The following HADHA variants were observed in gnomAD, a reference collection of about 807,000 sequenced individuals.
HADHA encodes the protein hydroxyacyl-CoA dehydrogenase trifunctional multienzyme complex subunit alpha.
A neutral mutation model predicts 91.3 loss-of-function variants in HADHA; 59 were observed. That is an observed-to-expected ratio of 0.65 (90% CI 0.52 to 0.80). HADHA has a LOEUF of 0.80. HADHA is among the 30% of genes least tolerant of loss of function. The pLI, the probability that HADHA is intolerant of heterozygous loss-of-function variation, is 0.00. For synonymous variants in HADHA, 320 were observed against 338.9 expected, an observed-to-expected ratio of 0.94 and a Z score of 0.61; for missense variants, 800 against 927.6, an observed-to-expected ratio of 0.86 and a Z score of 1.79.
chr2:26,236,128 T>C (rs980397560), intron 4 of HADHA, among the ~76,000 whole-genome samples: 1 of 152,224 alleles, frequency 6.6e-6, no homozygotes, highest in African/African-American at 2.4e-5. Flanking sequence ...ACCTTATGTT[T>C]TTGAGTTCTA....
intron 16 of HADHA, 59 bp from the exon 17 acceptor site, chr2:26,193,831 G>A: frequency 7.3e-7 from 1 of 1,371,622 alleles, no homozygotes; most frequent in South Asian, 1.2e-5. Context: ...CCCCCAAAGG[G>A]CTCCCTGTAC....
rs374503588 is a variant in HADHA, at chr2:26,191,508, C to G, written c.2121G>C (p.Gly707=). The G allele has an allele frequency of 6.2e-6, 10 of 1,614,070 alleles. No homozygotes were observed. The highest frequency in any genetic ancestry group is 2.7e-5 in the African/African-American group (2 of 74,930). Residue 707 remains glycine, a synonymous_variant, in exon 19 of 20, where the codon GGG becomes GGC. Transcript: ENST00000380649. Reference sequence around the variant, plus strand: ...CTCCCAGACAAGGCGGGAAGCCAAGCCCAAAGACGGCTCCGATGTCTCCCT... The same window carrying G: ...CTCCCAGACAAGGCGGGAAGCCAAGGCCAAAGACGGCTCCGATGTCTCCCT... ...PAEGDIGAVF[G]LGFPPCLGGP...
chr2:26,196,988 A>G (rs1329245461), intron 14 of HADHA, among the ~76,000 whole-genome samples: 1 of 152,246 alleles, frequency 6.6e-6, no homozygotes, highest in Admixed American at 6.5e-5. Context: ...GCAAGCTAGA[A>G]GAGTAGGAAT....
chr2:26,236,599 G>A (rs1319735859), intron 4 of HADHA, among the ~76,000 whole-genome samples: 1 of 151,664 alleles, frequency 6.6e-6, no homozygotes, highest in Non-Finnish European at 1.5e-5. Flanking sequence ...ATTTTTAGTG[G>A]AGACAGGGTT....
intron 1 of HADHA, among the ~76,000 whole-genome samples, chr2:26,239,569 T>C (rs1558332188): frequency 6.6e-6 from 1 of 151,898 alleles, no homozygotes; most frequent in Non-Finnish European, 1.5e-5. Context: ...GAGAACCCAG[T>C]GAAGGTGGAG....
chr2:26,191,336 A>G lies in HADHA; in HGVS notation c.2206T>C (p.Tyr736His). ...AQKIVDRLKK[Y>H]EAAYGKQFTP... The stretch of plus-strand genomic sequence containing the variant: ...AACTGTTTTCCATAGGCAGCTTCAT[A>G]TTTCTTGAGCCGGTCCACTATCTTC... The change falls in exon 20 of 20, where the codon TAT (tyrosine) becomes CAT (histidine). Residue 736 changes from tyrosine to histidine, a missense_variant. Coordinates refer to ENST00000380649, the MANE Select transcript of HADHA (RefSeq NM_000182.5). The G allele has an allele frequency of 6.2e-7, 1 of 1,614,056 alleles. No homozygotes were observed. Among genetic ancestry groups the G allele is most frequent in the East Asian group, 2.2e-5 (1 of 44,874 alleles).
intron 12 of HADHA, among the ~76,000 whole-genome samples, chr2:26,202,888 C>T (rs1221028117): frequency 1.3e-5 from 2 of 152,240 alleles, no homozygotes; most frequent in African/African-American, 4.8e-5. Context: ...TTAAACTATT[C>T]CCAAGAGAGG....
intron 11 of HADHA, among the ~76,000 whole-genome samples, chr2:26,206,169 T>G (rs1179288409): frequency 6.6e-6 from 1 of 151,508 alleles, no homozygotes; most frequent in African/African-American, 2.4e-5. Context: ...AAAAAGATGT[T>G]CAATTTCCCT....
At chr2:26,243,546 ATT>A (rs1670974507) in intron 1 of HADHA, among the ~76,000 whole-genome samples, 1 of 152,260 alleles carries the variant, frequency 6.6e-6, no homozygotes, top group Non-Finnish European at 1.5e-5. Context: ...ATATTCAATC[ATT>A]AAAAAAATCC....
In HADHA at chr2:26,234,308, T is replaced by C. The variant is rs771839962; in HGVS notation, c.362A>G (p.Gln121Arg). The C allele has an allele frequency of 9.3e-6, 15 of 1,613,174 alleles. No homozygotes were observed. Among genetic ancestry groups the C allele is most frequent in the Non-Finnish European group, 1.3e-5 (15 of 1,179,082 alleles). The part of the protein sequence containing the change: ...KTLQEVTQLS[Q>R]EAQRIVEKLE... Reference sequence around the variant, plus strand: ...TTTCTCAACTATTCTCTGTGCTTCTTGTGATAGCTGTGTTACTTCTTGAAG... The same window carrying C: ...TTTCTCAACTATTCTCTGTGCTTCTCGTGATAGCTGTGTTACTTCTTGAAG... The change falls in exon 5 of 20, where the codon CAA becomes CGA. Residue 121 changes from glutamine to arginine, a missense_variant. Transcript: ENST00000380649.
chr2:26,216,931 C>G (rs1018774079), intron 7 of HADHA, among the ~76,000 whole-genome samples: 1 of 152,026 alleles, frequency 6.6e-6, no homozygotes, highest in Non-Finnish European at 1.5e-5. Context: ...GAAAGAATGA[C>G]CCATAGCCAG....
chr2:26,202,684 T>C (rs1669876909), intron 12 of HADHA, among the ~76,000 whole-genome samples: 1 of 152,352 alleles, frequency 6.6e-6, no homozygotes, highest in African/African-American at 2.4e-5. Flanking sequence ...GAGGTTGCAG[T>C]GAGCCAAGAT....
rs536037320 is a variant in HADHA at position 26,237,424 on chromosome 2, C to T, written c.181-436G>A. ...GGCGGATCACTTGAGTTCAGGAGTT[C>T]GAGACCAGCCTGGGCAACATAATGG... On this transcript the variant is annotated intron_variant, in intron 3 of 19. Coordinates refer to ENST00000380649, the MANE Select transcript of HADHA (RefSeq NM_000182.5). 5.3e-5 allele frequency among the ~76,000 whole-genome samples: 8 copies of T among 152,228 alleles called. No individual in the cohort carries two copies. The East Asian group carries it at 1.2e-3, about 22-fold the overall frequency.
intron 11 of HADHA, among the ~76,000 whole-genome samples, chr2:26,209,052 C>T (rs1670032232): frequency 1.3e-5 from 2 of 152,168 alleles, no homozygotes; most frequent in African/African-American, 2.4e-5. Flanking sequence ...ACTGACATTT[C>T]GAACTGGATA....
chr2:26,227,759 C>A (rs1279577059), intron 7 of HADHA, among the ~76,000 whole-genome samples: 1 of 151,906 alleles, frequency 6.6e-6, no homozygotes, highest in African/African-American at 2.4e-5. Context: ...TGCTTGAGCC[C>A]AGGAGTCTGA....
chr2:26,225,498 T>G (rs181028027), intron 7 of HADHA, among the ~76,000 whole-genome samples: 73 of 151,978 alleles, frequency 4.8e-4, no homozygotes, highest in African/African-American at 1.7e-3. Context: ...AAGAAAATTA[T>G]CCTTGAGACT....
rs192974140 is a variant in HADHA, at chr2:26,229,091, G to A, written c.676+1101C>T. ...ACAGTGGCTCACACCTGTAAATCTC[G>A]GCACTTTGGGTGGCTGAGGGAGGAG... On this transcript the variant is annotated intron_variant, in intron 7 of 19. Transcript: ENST00000380649. This position sits in a 1 kb window ranked among gnomAD's most constrained non-coding sequence, Gnocchi z 4.3. Among the ~76,000 whole-genome samples, 703 of 152,168 alleles carry A rather than the reference G, an allele frequency of 4.6e-3. 3 individuals carry two copies. Among genetic ancestry groups the A allele is most frequent in the African/African-American group, 0.016 (683 of 41,508 alleles).
chr2:26,237,223 A>G lies in HADHA; in HGVS notation c.181-235T>C, dbSNP rs72849915. On this transcript the variant is annotated intron_variant, in intron 3 of 19. Coordinates refer to ENST00000380649, the MANE Select transcript of HADHA (RefSeq NM_000182.5). Reference sequence around the variant, plus strand: ...ATAGGTCTTCTCAAAGGAGAAACTCAGGGTCATCCTCAGAGTTTGAATCAT... The same window carrying G: ...ATAGGTCTTCTCAAAGGAGAAACTCGGGGTCATCCTCAGAGTTTGAATCAT... Among the ~76,000 whole-genome samples, 848 of 152,352 alleles carry G rather than the reference A, an allele frequency of 5.6e-3. 7 individuals are homozygous for G. Among genetic ancestry groups the G allele is most frequent in the African/African-American group, 0.019 (793 of 41,576 alleles).
At chr2:26,224,701 T>A (rs573766416) in intron 7 of HADHA, among the ~76,000 whole-genome samples, 1 of 152,226 alleles carries the variant, frequency 6.6e-6, no homozygotes, top group Non-Finnish European at 1.5e-5. Context: ...TCATTGCCTT[T>A]ATTTGAAGAC....
Sources: gnomAD v4.1 joint callset for allele counts (sites outside exome capture counted in the v4.1 genomes callset) on GRCh38, gnomAD v4.1.1 for gene constraint, Gnocchi (gnomAD v3.1) non-coding constraint, MANE v1.5 for transcripts, NCBI Gene and HGNC (gene_info 2026-07-23, HGNC 2026-07-21) for gene names.